Variants in FHIT observed in about 807,000 individuals in gnomAD.
FHIT encodes the protein bis(5'-adenosyl)-triphosphatase.
In FHIT, 19 loss-of-function variants were observed where a neutral mutation model predicts 17.9. The ratio of observed to expected loss-of-function variants is 1.06; its 90% CI spans 0.74 to 1.56. The LOEUF (loss-of-function observed/expected upper bound fraction) is 1.56. FHIT is among the 40% of genes most tolerant of loss of function. The probability of loss-of-function intolerance (pLI) is 0.00; values close to 1 mark genes in which losing one functional copy is unlikely to be tolerated. For synonymous variants in FHIT, 81 were observed against 69.7 expected (o/e 1.16, Z -0.81); for missense variants, 248 against 189.2 (o/e 1.31, Z -1.82).
chr3:60,266,061 A>C (rs1034356260), intron 5 of FHIT, among the ~76,000 whole-genome samples: 8 of 152,066 alleles, frequency 5.3e-5, no homozygotes, highest in Non-Finnish European at 7.4e-5. Context: ...TTATACACCC[A>C]AGAGAAATGA....
intron 5 of FHIT, among the ~76,000 whole-genome samples, chr3:60,082,544 C>T (rs1004015718): frequency 6.6e-6 from 1 of 152,032 alleles, no homozygotes; most frequent in Non-Finnish European, 1.5e-5. Context: ...CACTGAAAAA[C>T]CTCCCAACTG....
At chr3:60,783,856 G>A (rs1001088006) in intron 4 of FHIT, among the ~76,000 whole-genome samples, 2 of 152,142 alleles carry the variant, frequency 1.3e-5, no homozygotes, top group Admixed American at 6.5e-5. Context: ...AGAAGACTAG[G>A]TTCTAATCCC....
At chr3:60,195,996 C>G (rs761528270) in intron 5 of FHIT, among the ~76,000 whole-genome samples, 30 of 152,042 alleles carry the variant, frequency 2.0e-4, no homozygotes, top group Non-Finnish European at 3.7e-4. Context: ...ATCACATAAC[C>G]AAAACCTACT....
rs571959299 is a variant in FHIT at position 60,458,134 on chromosome 3, G to A, written c.103+78726C>T. On this transcript the variant is annotated intron_variant, in intron 5 of 9. Coordinates refer to ENST00000492590, the MANE Select transcript of FHIT (RefSeq NM_002012.4). Reference sequence around the variant, plus strand: ...TGCTGCTATAAAGACACATGCACACGTATGTTTATTGCGGCACTACTCACA... The same window carrying A: ...TGCTGCTATAAAGACACATGCACACATATGTTTATTGCGGCACTACTCACA... Among the ~76,000 whole-genome samples, 22 of 152,206 alleles carry A rather than the reference G, an allele frequency of 1.4e-4. No individual in the cohort carries two copies. The East Asian group carries it at 1.5e-3, about 11-fold the overall frequency.
chr3:60,561,928 GAAAA>G (rs1559541480), intron 4 of FHIT, among the ~76,000 whole-genome samples: 10 of 148,460 alleles, frequency 6.7e-5, no homozygotes, highest in East Asian at 2.1e-4. Flanking sequence ...AAGAGAGAAA[GAAAA>G]AGAGAAAGAG....
intron 8 of FHIT, among the ~76,000 whole-genome samples, chr3:59,754,521 T>C (rs945692359): frequency 1.3e-5 from 2 of 152,166 alleles, no homozygotes; most frequent in Non-Finnish European, 2.9e-5. Flanking sequence ...AACAATTCAA[T>C]AGGATGACAA....
chr3:60,675,293 A>T (rs113873442), intron 4 of FHIT, among the ~76,000 whole-genome samples: 1 of 152,230 alleles, frequency 6.6e-6, no homozygotes, highest in East Asian at 1.9e-4. Flanking sequence ...AACTTTACAA[A>T]TGATCCTATT....
chr3:60,968,019 A>C (rs1337704272), intron 3 of FHIT, among the ~76,000 whole-genome samples: 1 of 152,278 alleles, frequency 6.6e-6, no homozygotes, highest in Non-Finnish European at 1.5e-5. Context: ...AATTAGTAAG[A>C]AATCTGGTGA....
intron 1 of FHIT, among the ~76,000 whole-genome samples, chr3:61,207,222 A>C (rs987938270): frequency 3.9e-5 from 6 of 152,162 alleles, no homozygotes; most frequent in African/African-American, 1.4e-4. Flanking sequence ...TCGGTTTGCC[A>C]GTATTTTATT....
At chr3:60,632,088 TTTTTTTG>T (rs2039458840) in intron 4 of FHIT, among the ~76,000 whole-genome samples, 1 of 152,066 alleles carries the variant, frequency 6.6e-6, no homozygotes, top group African/African-American at 2.4e-5. Flanking sequence ...AGAAGTGTTT[TTTTTTTG>T]TTTTTTGTTT....
At chr3:60,080,717 A>G (rs1703242423) in intron 5 of FHIT, 1 of 152,178 alleles carries the variant, frequency 6.6e-6, no homozygotes. Context: ...CAACCCTGTA[A>G]GAGCATTTAC....
At chr3:60,460,802 G>A (rs1243900278) in intron 5 of FHIT, among the ~76,000 whole-genome samples, 1 of 152,146 alleles carries the variant, frequency 6.6e-6, no homozygotes, top group Non-Finnish European at 1.5e-5. Context: ...CAGGCTGGAA[G>A]ACAATTCTCT....
intron 5 of FHIT, among the ~76,000 whole-genome samples, chr3:60,482,831 G>C (rs374886854): frequency 6.7e-4 from 101 of 151,582 alleles, no homozygotes; most frequent in African/African-American, 2.3e-3. Flanking sequence ...TAAGATCAGA[G>C]CAGAACTGAA....
At chr3:59,858,711 T>C (rs1426264113) in intron 8 of FHIT, among the ~76,000 whole-genome samples, 1 of 151,610 alleles carries the variant, frequency 6.6e-6, no homozygotes, top group African/African-American at 2.4e-5. Context: ...GAGCAGAGGA[T>C]GAGATGTACG....
At chr3:59,956,312 T>C (rs1308080749) in intron 7 of FHIT, among the ~76,000 whole-genome samples, 2 of 151,834 alleles carry the variant, frequency 1.3e-5, no homozygotes, top group Non-Finnish European at 2.9e-5. Flanking sequence ...CCCAGGAGGA[T>C]CACCTGAGCC....
chr3:60,788,274 G>C (rs983765188), intron 4 of FHIT, among the ~76,000 whole-genome samples: 2 of 151,996 alleles, frequency 1.3e-5, no homozygotes, highest in African/African-American at 2.4e-5. Flanking sequence ...CTGGGCAACA[G>C]AGTGAGACCC....
chr3:61,076,330 C>A (rs913159774), intron 2 of FHIT, among the ~76,000 whole-genome samples: 33 of 152,142 alleles, frequency 2.2e-4, no homozygotes, highest in Admixed American at 9.8e-4. Flanking sequence ...ATATAATAGT[C>A]TTTCATAATA....
chr3:61,223,669 G>C (rs2039895040), intron 1 of FHIT, among the ~76,000 whole-genome samples: 1 of 152,224 alleles, frequency 6.6e-6, no homozygotes, highest in Non-Finnish European at 1.5e-5. Context: ...TCCACATTTT[G>C]CCAGATGGTG....
At position 60,090,605 on chromosome 3, in the gene FHIT, T is replaced by C. The variant is rs1179146146; in HGVS notation, c.104-76453A>G. 2.0e-5 allele frequency among the ~76,000 whole-genome samples: 3 copies of C among 152,158 alleles called. No individual in the cohort carries two copies. In the East Asian group the frequency reaches 5.8e-4, roughly 29 times the overall value. Reference sequence around the variant, plus strand: ...AGTAATTGAAGGGAAGGGAGCCTCTTAGAATGACCAACGAAGTGAAGGTGA... The same window carrying C: ...AGTAATTGAAGGGAAGGGAGCCTCTCAGAATGACCAACGAAGTGAAGGTGA... On this transcript the variant is annotated intron_variant, in intron 5 of 9. Coordinates refer to ENST00000492590, the MANE Select transcript of FHIT (RefSeq NM_002012.4).
Sources: allele counts gnomAD v4.1 joint callset (sites outside exome capture counted in the v4.1 genomes callset), GRCh38; gene constraint gnomAD v4.1.1; transcripts MANE v1.5; gene names NCBI Gene and HGNC (gene_info 2026-07-23, HGNC 2026-07-21).